The following RBMS3 variants were observed in gnomAD, a reference collection of about 807,000 sequenced individuals.
The protein encoded by RBMS3 is RNA binding motif single stranded interacting protein 3, also known as RNA-binding motif, single-stranded-interacting protein 3.
A neutral mutation model predicts 66.8 loss-of-function variants in RBMS3; 27 were observed. That is an observed-to-expected ratio of 0.40 (90% CI 0.30 to 0.56). RBMS3 has a LOEUF of 0.56. RBMS3 is among the 20% of genes least tolerant of loss of function. The probability of loss-of-function intolerance (pLI) is 0.40; values close to 1 mark genes in which losing one functional copy is unlikely to be tolerated. For synonymous variants in RBMS3, 188 were observed against 183.0 expected (o/e 1.03, Z -0.22); for missense variants, 513 against 549.5 (o/e 0.93, Z 0.66).
chr3:29,822,417 G>T (rs149101382), intron 6 of RBMS3, among the ~76,000 whole-genome samples: 2 of 151,992 alleles, frequency 1.3e-5, no homozygotes, highest in Non-Finnish European at 2.9e-5. Context: ...AATCAAACTT[G>T]CATTGCAGAC....
chr3:29,284,578 C>G (rs941468451), intron 1 of RBMS3, among the ~76,000 whole-genome samples: 3 of 152,050 alleles, frequency 2.0e-5, no homozygotes, highest in African/African-American at 7.2e-5. Context: ...TTTAGAAGAA[C>G]TTGCGACACT....
intron 1 of RBMS3, among the ~76,000 whole-genome samples, chr3:29,305,191 T>C (rs1322246029): frequency 6.6e-6 from 1 of 151,954 alleles, no homozygotes; most frequent in Non-Finnish European, 1.5e-5. Context: ...CCAGCTTAAA[T>C]GACTTTGCTG....
intron 6 of RBMS3, among the ~76,000 whole-genome samples, chr3:29,843,750 A>G (rs2058715565): frequency 6.6e-6 from 1 of 152,064 alleles, no homozygotes; most frequent in Non-Finnish European, 1.5e-5. Flanking sequence ...AGCCCAGGGG[A>G]CCAGCCTGGG....
intron 4 of RBMS3, among the ~76,000 whole-genome samples, chr3:29,649,340 A>G (rs2050060958): frequency 6.6e-6 from 1 of 152,218 alleles, no homozygotes; most frequent in Non-Finnish European, 1.5e-5. Flanking sequence ...ATGGAGTTGT[A>G]CAAATGTCAC....
chr3:29,988,685 T>G (rs1868492), intron 13 of RBMS3, among the ~76,000 whole-genome samples: 34,549 of 152,012 alleles, frequency 0.23, 4,082 homozygotes, highest in East Asian at 0.39. Context: ...CTACTTGAGA[T>G]GCTGAGACAG....
At chr3:29,287,990 T>A (rs2032503517) in intron 1 of RBMS3, among the ~76,000 whole-genome samples, 1 of 152,094 alleles carries the variant, frequency 6.6e-6, no homozygotes, top group Non-Finnish European at 1.5e-5. Context: ...CATGTAGGTT[T>A]ATTACTCAGG....
chr3:29,432,059 C>A (rs1310371931), intron 1 of RBMS3, among the ~76,000 whole-genome samples: 1 of 152,032 alleles, frequency 6.6e-6, no homozygotes, highest in Non-Finnish European at 1.5e-5. Context: ...ACCTACCCTG[C>A]CTTCCCAAAA....
chr3:29,689,696 T>C (rs1248286067), intron 4 of RBMS3, among the ~76,000 whole-genome samples: 3 of 151,950 alleles, frequency 2.0e-5, no homozygotes, highest in Admixed American at 1.3e-4. Flanking sequence ...TTTTTCTCAG[T>C]TATTAGTCTA....
chr3:29,614,375 T>C (rs2149138703), intron 4 of RBMS3: 1 of 152,140 alleles, frequency 6.6e-6, no homozygotes, highest in Middle Eastern at 3.4e-3. Context: ...ACAAGAGAAA[T>C]AAGTTCTAGT....
At position 29,988,197 on chromosome 3, in the gene RBMS3, G is replaced by C. The variant is rs1309877440; in HGVS notation, c.1153G>C (p.Val385Leu). ...QGTYIPQYTP[V>L]PPTAVSIEGV... Reference sequence around the variant, plus strand: ...GACCTACATTCCTCAGTACACGCCTGTGCCTCCGACAGCTGTTTCTATTGA... The same window carrying C: ...GACCTACATTCCTCAGTACACGCCTCTGCCTCCGACAGCTGTTTCTATTGA... Residue 385 changes from valine (V) to leucine (L), a missense_variant, in exon 13 of 15, where the codon GTG becomes CTG. By Grantham distance (32) the Val-to-Leu change is conservative. Transcript: ENST00000383767. The C allele has an allele frequency of 6.2e-7, 1 of 1,612,558 alleles. No homozygotes were observed. Among genetic ancestry groups the C allele is most frequent in the African/African-American group, 1.3e-5 (1 of 75,018 alleles).
intron 3 of RBMS3, among the ~76,000 whole-genome samples, chr3:29,516,441 T>TG (rs2044626792): frequency 1.3e-5 from 2 of 152,130 alleles, no homozygotes; most frequent in African/African-American, 4.8e-5. Context: ...GGAAGTTTTT[T>TG]TTTGTTTGTT....
At chr3:29,303,430 A>T (rs1004822550) in intron 1 of RBMS3, among the ~76,000 whole-genome samples, 2 of 152,042 alleles carry the variant, frequency 1.3e-5, no homozygotes, top group African/African-American at 2.4e-5. Context: ...GTGAGAATCC[A>T]TTCAACCTTA....
chr3:29,527,430 G>A (rs958441110), intron 3 of RBMS3, among the ~76,000 whole-genome samples: 14 of 152,042 alleles, frequency 9.2e-5, no homozygotes, highest in African/African-American at 3.1e-4. Context: ...GCAGTTGGCC[G>A]GAACTCAGAT....
At chr3:29,332,220 C>T (rs2035706308) in intron 1 of RBMS3, among the ~76,000 whole-genome samples, 1 of 152,110 alleles carries the variant, frequency 6.6e-6, no homozygotes, top group Admixed American at 6.6e-5. Context: ...ATCCCCAATC[C>T]AGTGAATATC....
intron 1 of RBMS3, among the ~76,000 whole-genome samples, chr3:29,355,499 C>G (rs779602445): frequency 1.3e-5 from 2 of 151,542 alleles, no homozygotes; most frequent in Non-Finnish European, 2.9e-5. Context: ...AACTTCCTAA[C>G]ACATTACCTA....
At chr3:29,559,669 A>G (rs1316860075) in intron 3 of RBMS3, among the ~76,000 whole-genome samples, 4 of 152,082 alleles carry the variant, frequency 2.6e-5, no homozygotes, top group Non-Finnish European at 5.9e-5. Flanking sequence ...TATATAAACC[A>G]TCTATTAATG....
chr3:29,398,958 A>C (rs1333712509), intron 1 of RBMS3, among the ~76,000 whole-genome samples: 1 of 152,142 alleles, frequency 6.6e-6, no homozygotes, highest in African/African-American at 2.4e-5. Context: ...GGAAATGCTT[A>C]TTGTGAGTGT....
intron 12 of RBMS3, among the ~76,000 whole-genome samples, chr3:29,963,447 A>G (rs946818539): frequency 6.6e-6 from 1 of 152,224 alleles, no homozygotes; most frequent in Non-Finnish European, 1.5e-5. Context: ...TTGTACTTAA[A>G]CAAAAAACGT....
intron 6 of RBMS3, among the ~76,000 whole-genome samples, chr3:29,843,634 A>G (rs1009580910): frequency 6.6e-6 from 1 of 152,112 alleles, no homozygotes; most frequent in Non-Finnish European, 1.5e-5. Flanking sequence ...GCTATTGTTT[A>G]TCTGGGGAAT....
Sources: gnomAD v4.1 joint callset for allele counts (sites outside exome capture counted in the v4.1 genomes callset) on GRCh38, gnomAD v4.1.1 for gene constraint, MANE v1.5 for transcripts, NCBI Gene and HGNC (gene_info 2026-07-23, HGNC 2026-07-21) for gene names.